Variants in EPHA7 observed in about 807,000 individuals in gnomAD.
EPHA7 encodes ephrin type-A receptor 7.
Under a neutral mutation model 112.6 loss-of-function variants are expected in EPHA7, and 25 were observed. That is an observed-to-expected ratio of 0.22 (90% CI 0.16 to 0.31). The LOEUF (loss-of-function observed/expected upper bound fraction) is 0.31, where lower values mean the gene tolerates loss of function less well. Ranked by LOEUF, EPHA7 falls within the 10% of genes least tolerant of loss-of-function variation. The probability of loss-of-function intolerance (pLI) is 1.00; values close to 1 mark genes in which losing one functional copy is unlikely to be tolerated. For missense variants in EPHA7, 962 were observed against 1,212.6 expected, an observed-to-expected ratio of 0.79 and a Z score of 3.07; for synonymous variants, 437 against 406.5, an observed-to-expected ratio of 1.07 and a Z score of -0.90.
chr6:93,310,726 T>C (rs1272270155), intron 5 of EPHA7, among the ~76,000 whole-genome samples: 1 of 152,042 alleles, frequency 6.6e-6, no homozygotes, highest in African/African-American at 2.4e-5. Context: ...GGCAACAGCA[T>C]TATATCTAAA....
At chr6:93,323,827 C>T (rs755539143) in intron 5 of EPHA7, among the ~76,000 whole-genome samples, 26 of 151,500 alleles carry the variant, frequency 1.7e-4, no homozygotes, top group Non-Finnish European at 3.3e-4. Flanking sequence ...GCTGGATCTC[C>T]ATCTGCTCAA....
chr6:93,245,226 G>T lies in EPHA7; in HGVS notation c.2882+72C>A, dbSNP rs1030934543. 12 of 1,358,392 alleles carry T rather than the reference G, an allele frequency of 8.8e-6. No individual in the cohort carries two copies. The African/African-American group carries it at 1.8e-4, about 20-fold the overall frequency. The allele number at this position is 1,358,392 out of a possible 1,614,324, so 84.1% of individuals were successfully genotyped here. A position where few individuals can be genotyped will look rare whatever the true frequency, so the allele number is the denominator to read the frequency against. On this transcript the variant is annotated intron_variant, in intron 16 of 16. Coordinates refer to ENST00000369303, the MANE Select transcript of EPHA7 (RefSeq NM_004440.4). ...ATTCAAATTCTTTTAATATAAAGAAGATAACCTAATGTATAAAGTGTAGAT... is the reference window on the plus strand; with the variant it reads ...ATTCAAATTCTTTTAATATAAAGAATATAACCTAATGTATAAAGTGTAGAT...
chr6:93,331,604 T>C (rs150931775), intron 5 of EPHA7, among the ~76,000 whole-genome samples: 2,545 of 151,570 alleles, frequency 0.017, 69 homozygotes, highest in African/African-American at 0.058. Context: ...GAAATGATCA[T>C]GGAGAGTTAA....
At chr6:93,373,481 T>C (rs753190587) in intron 3 of EPHA7, among the ~76,000 whole-genome samples, 4 of 152,106 alleles carry the variant, frequency 2.6e-5, no homozygotes, top group Non-Finnish European at 4.4e-5. Context: ...GCATTTCTTA[T>C]ATTCAATATC....
chr6:93,290,015 G>C lies in EPHA7; in HGVS notation c.1325-17593C>G, dbSNP rs190793460. ...ATACACTCTATTTTATACACAACAT[G>C]CATCTTCTTAATATTTATTGTAATT... On this transcript the variant is annotated intron_variant, in intron 5 of 16. Transcript: ENST00000369303. 5.7e-3 allele frequency among the ~76,000 whole-genome samples: 865 copies of C among 152,116 alleles called. 9 individuals carry two copies. The highest frequency in any genetic ancestry group is 0.019 in the African/African-American group (795 of 41,494).
chr6:93,392,671 T>C (rs1777970407), intron 3 of EPHA7, among the ~76,000 whole-genome samples: 2 of 151,986 alleles, frequency 1.3e-5, no homozygotes, highest in Admixed American at 1.3e-4. Flanking sequence ...TAACACAGCA[T>C]AGCAAATTGC....
intron 5 of EPHA7, among the ~76,000 whole-genome samples, chr6:93,278,518 C>G (rs1320441634): frequency 6.6e-6 from 1 of 152,024 alleles, no homozygotes; most frequent in East Asian, 1.9e-4. Flanking sequence ...CATTATCTAT[C>G]TTTTCAATCA....
At chr6:93,350,764 G>A (rs1355716905) in intron 5 of EPHA7, among the ~76,000 whole-genome samples, 3 of 151,364 alleles carry the variant, frequency 2.0e-5, no homozygotes, top group Non-Finnish European at 4.4e-5. Flanking sequence ...TTTAACAAAC[G>A]ACTATATGTA....
chr6:93,412,828 A>T (rs1779043247), intron 2 of EPHA7, among the ~76,000 whole-genome samples: 1 of 152,068 alleles, frequency 6.6e-6, no homozygotes, highest in Non-Finnish European at 1.5e-5. Flanking sequence ...TAATTATTTT[A>T]AAAGAATATA....
chr6:93,316,884 G>A (rs1407473410), intron 5 of EPHA7, among the ~76,000 whole-genome samples: 5 of 152,090 alleles, frequency 3.3e-5, no homozygotes, highest in Non-Finnish European at 7.4e-5. Flanking sequence ...AACAAATATT[G>A]AAAACATTTA....
intron 5 of EPHA7, among the ~76,000 whole-genome samples, chr6:93,336,131 CCTA>C (rs1211683305): frequency 6.6e-6 from 1 of 151,938 alleles, no homozygotes; most frequent in Non-Finnish European, 1.5e-5. Flanking sequence ...CTACTGCTAC[CCTA>C]CTACTAGAAT....
At chr6:93,288,050 C>T (rs1330565249) in intron 5 of EPHA7, among the ~76,000 whole-genome samples, 1 of 152,014 alleles carries the variant, frequency 6.6e-6, no homozygotes, top group Non-Finnish European at 1.5e-5. Flanking sequence ...TATAAAGTTA[C>T]CATATGACCT....
intron 3 of EPHA7, among the ~76,000 whole-genome samples, chr6:93,401,907 G>C (rs1263986124): frequency 2.0e-5 from 3 of 151,966 alleles, no homozygotes; most frequent in East Asian, 1.9e-4. Context: ...ATATCATCAT[G>C]AATATTTCAT....
chr6:93,358,228 A>C (rs753966414), intron 4 of EPHA7, 28 bp downstream of exon 4: 2 of 1,555,694 alleles, frequency 1.3e-6, no homozygotes, highest in Admixed American at 1.9e-5. Flanking sequence ...GGGATTGGAA[A>C]GTCCTTTACT....
intron 5 of EPHA7, among the ~76,000 whole-genome samples, chr6:93,274,166 A>G (rs970152542): frequency 3.3e-5 from 5 of 151,840 alleles, no homozygotes; most frequent in Non-Finnish European, 7.4e-5. Flanking sequence ...GTAAATCTCT[A>G]GGTTTCTTTC....
intron 5 of EPHA7, among the ~76,000 whole-genome samples, chr6:93,299,107 AAG>A (rs111825153): frequency 0.064 from 9,803 of 152,026 alleles, 593 homozygotes; most frequent in African/African-American, 0.17. Flanking sequence ...CGGGCGGATC[AAG>A]AGGTCAGGAG....
At chr6:93,302,624 G>A (rs1415642492) in intron 5 of EPHA7, among the ~76,000 whole-genome samples, 1 of 152,180 alleles carries the variant, frequency 6.6e-6, no homozygotes, top group Non-Finnish European at 1.5e-5. Flanking sequence ...CTGGATGCAA[G>A]AACAGCAACA....
intron 5 of EPHA7, among the ~76,000 whole-genome samples, chr6:93,287,370 A>G (rs1449610184): frequency 6.6e-6 from 1 of 152,062 alleles, no homozygotes; most frequent in Non-Finnish European, 1.5e-5. Flanking sequence ...ATTCCATTAA[A>G]TGAGTTATTG....
chr6:93,369,635 T>C (rs778761207), intron 3 of EPHA7, among the ~76,000 whole-genome samples: 64 of 152,176 alleles, frequency 4.2e-4, no homozygotes, highest in Middle Eastern at 3.2e-3. Flanking sequence ...ACCACCACTA[T>C]GTCATTCACA....
Sources: allele counts gnomAD v4.1 joint callset (sites outside exome capture counted in the v4.1 genomes callset), GRCh38; gene constraint gnomAD v4.1.1; transcripts MANE v1.5; gene names NCBI Gene and HGNC (gene_info 2026-07-23, HGNC 2026-07-21).